Variants in HIPK3 observed in about 807,000 individuals in gnomAD.
The protein encoded by HIPK3 is homeodomain-interacting protein kinase 3.
Under a neutral mutation model 124.2 loss-of-function variants are expected in HIPK3, and 47 were observed. The ratio of observed to expected loss-of-function variants is 0.38; its 90% CI spans 0.30 to 0.48. The LOEUF is 0.48. Among genes scored for constraint, HIPK3 ranks in the 20% least tolerant of loss-of-function variants. The pLI is 0.98. For missense variants in HIPK3, 1,286 were observed against 1,454.3 expected (o/e 0.88, Z 1.88); for synonymous variants, 482 against 515.2 (o/e 0.94, Z 0.87).
chr11:33,301,619 TAAAA>T (rs76292557), intron 2 of HIPK3, among the ~76,000 whole-genome samples: 1 of 91,134 alleles, frequency 1.1e-5, no homozygotes, highest in Admixed American at 1.2e-4. Context: ...CCCATCTCTA[TAAAA>T]AAAAAAAAAA....
intron 1 of HIPK3, among the ~76,000 whole-genome samples, chr11:33,261,079 G>T (rs1005944610): frequency 2.7e-5 from 4 of 146,568 alleles, no homozygotes; most frequent in Non-Finnish European, 4.5e-5. Flanking sequence ...TGATACCGGT[G>T]TAAGTCTAAA....
At chr11:33,289,384 A>T (rs533549574) in intron 2 of HIPK3, among the ~76,000 whole-genome samples, 6 of 152,248 alleles carry the variant, frequency 3.9e-5, no homozygotes, top group African/African-American at 1.4e-4. Flanking sequence ...GTTAGAGGCT[A>T]CAGTGAGCTA....
chr11:33,318,500 G>T (rs1852571213), intron 2 of HIPK3, among the ~76,000 whole-genome samples: 1 of 152,164 alleles, frequency 6.6e-6, no homozygotes, highest in African/African-American at 2.4e-5. Flanking sequence ...CTTACCCTTT[G>T]TCTGTTTCTT....
intron 3 of HIPK3, among the ~76,000 whole-genome samples, chr11:33,330,926 C>T (rs1251364538): frequency 6.6e-6 from 1 of 151,386 alleles, no homozygotes; most frequent in Non-Finnish European, 1.5e-5. Flanking sequence ...CTCTGTCGCC[C>T]AGGCCTGAGT....
At position 33,317,805 on chromosome 11, in the gene HIPK3, A is replaced by G. The variant is rs960305783; in HGVS notation, c.1098-10705A>G. Among the ~76,000 whole-genome samples the G allele has an allele frequency of 1.4e-4, 22 of 152,138 alleles. 1 individual carries two copies. The highest frequency in any genetic ancestry group is 1.1e-3 in the Admixed American group (17 of 15,270). ...AAGTATAGGGGTTTAACTTGTAAGAATTTGTTGAGTGCATGATGAATTGGT... is the reference window on the plus strand; with the variant it reads ...AAGTATAGGGGTTTAACTTGTAAGAGTTTGTTGAGTGCATGATGAATTGGT... On this transcript the variant is annotated intron_variant, in intron 2 of 16. Coordinates refer to ENST00000303296, the MANE Select transcript of HIPK3 (RefSeq NM_005734.5).
In HIPK3 at chr11:33,311,975, TAC is replaced by T. The variant is rs71034672; in HGVS notation, c.1098-16514_1098-16513del. 2.7e-3 allele frequency among the ~76,000 whole-genome samples: 372 copies of T among 137,004 alleles called. 7 individuals carry two copies. Among genetic ancestry groups the T allele is most frequent in the African/African-American group, 8.8e-3 (326 of 36,944 alleles). The allele number at this position is 137,004 out of a possible 152,430, so 89.9% of individuals were successfully genotyped here. A position where few individuals can be genotyped will look rare whatever the true frequency, so the allele number is the denominator to read the frequency against. The stretch of plus-strand genomic sequence containing the variant: ...GGGCAACATAGCAAGACCCTGTTTC[TAC>T]ACACACACACACACACACACCACGA... On this transcript the variant is annotated intron_variant, in intron 2 of 16. Transcript: ENST00000303296.
At position 33,287,011 on chromosome 11, in the gene HIPK3, C is replaced by T. The variant is rs781119228; in HGVS notation, c.597C>T (p.Val199=). The T allele has an allele frequency of 8.7e-6, 14 of 1,614,016 alleles. No individual in the cohort carries two copies. The highest frequency in any genetic ancestry group is 1.7e-5 in the Admixed American group (1 of 59,996). ...VLCSMKNTYE[V]LDFLGRGTFG... The stretch of plus-strand genomic sequence containing the variant: ...GCTCCATGAAAAATACTTACGAAGT[C>T]CTTGATTTTCTTGGTCGAGGCACGT... The change falls in exon 2 of 17, where the codon GTC becomes GTT. Residue 199 remains valine (V), a synonymous_variant. Coordinates refer to ENST00000303296, the MANE Select transcript of HIPK3 (RefSeq NM_005734.5).
chr11:33,348,258 T>A (rs1853557603), intron 12 of HIPK3, 30 bp downstream of exon 12: 1 of 1,584,446 alleles, frequency 6.3e-7, no homozygotes, highest in South Asian at 1.1e-5. Flanking sequence ...CCTTTTGATT[T>A]ATTATCTACC....
chr11:33,354,294 T>TAGCTGAATTATTAAGA lies in HIPK3; in HGVS notation c.*726_*727insAGCTGAATTATTAAGA, dbSNP rs1337832036. 3 of 152,666 alleles carry TAGCTGAATTATTAAGA rather than the reference T, an allele frequency of 2.0e-5. No homozygotes were observed. The highest frequency in any genetic ancestry group is 4.4e-5 in the Non-Finnish European group (3 of 68,036). The allele number at this position is 152,666 out of a possible 1,614,324, so 9.5% of individuals were successfully genotyped here. On this transcript the variant is annotated 3_prime_UTR_variant, in exon 17 of 17. Transcript: ENST00000303296. ...TTTTTTCCTTATTAAGAGGGCAGCA[T>TAGCTGAATTATTAAGA]GTTTGCTATAGCTGAATTCTGCTGT...
Position 33,348,816 on chromosome 11 carries a change from A to G in HIPK3, c.2664A>G (p.Arg888=). 6.2e-7 allele frequency: 1 copy of G among 1,612,006 alleles called. No homozygotes were observed. The highest frequency in any genetic ancestry group is 8.5e-7 in the Non-Finnish European group (1 of 1,178,330). Residue 888 remains arginine (R), a splice_region_variant and synonymous_variant, in exon 13 of 17, where the codon AGA becomes AGG. Transcript: ENST00000303296. ...EEETSQRHSL[R]ECKGSLDCEA... ...AGACTTCCCAGAGACATTCACTCAG[A>G]GAGTAAGTGCCAAACGCTGCATCCT...
intron 1 of HIPK3, among the ~76,000 whole-genome samples, chr11:33,268,591 C>CAAAAAAAAAAAAAAA (rs35408664): frequency 3.9e-5 from 3 of 76,026 alleles, no homozygotes; most frequent in African/African-American, 5.2e-5. Flanking sequence ...ACTCCGTCAC[C>CAAAAAAAAAAAAAAA]AAAAAAAAAA....
chr11:33,284,010 T>C (rs1033321801), intron 1 of HIPK3, among the ~76,000 whole-genome samples: 1 of 152,174 alleles, frequency 6.6e-6, no homozygotes, highest in African/African-American at 2.4e-5. Context: ...TGGAAAGATA[T>C]TGCTATGATT....
At chr11:33,286,308 C>CTGATA (rs1851548217) in intron 1 of HIPK3, 105 bp from the exon 2 acceptor site, 2 of 1,010,370 alleles carry the variant, frequency 2.0e-6, no homozygotes, top group Non-Finnish European at 2.7e-6. Flanking sequence ...TGAATTTGAC[C>CTGATA]CTTAAGAGTT....
intron 2 of HIPK3, among the ~76,000 whole-genome samples, chr11:33,301,895 G>A (rs1411809001): frequency 6.8e-6 from 1 of 146,804 alleles, no homozygotes; most frequent in African/African-American, 2.5e-5. Context: ...TTGTCCTTGG[G>A]CTCTGTGCCA....
At chr11:33,308,539 TC>T (rs1337321895) in intron 2 of HIPK3, among the ~76,000 whole-genome samples, 1 of 151,972 alleles carries the variant, frequency 6.6e-6, no homozygotes, top group South Asian at 2.1e-4. Flanking sequence ...TATGTCCTTT[TC>T]CCCCCTCTGG....
intron 2 of HIPK3, among the ~76,000 whole-genome samples, chr11:33,316,272 A>C (rs1305604396): frequency 6.6e-6 from 1 of 152,252 alleles, no homozygotes; most frequent in Non-Finnish European, 1.5e-5. Context: ...AACCTGAAAT[A>C]AACTCACTAG....
intron 1 of HIPK3, chr11:33,258,492 G>A: frequency 1.0e-6 from 1 of 985,476 alleles, no homozygotes; most frequent in Non-Finnish European, 1.2e-6. Context: ...TGTTGGGGAG[G>A]AGAAATGTGA....
intron 2 of HIPK3, among the ~76,000 whole-genome samples, chr11:33,308,613 G>GGGGTGT (rs1554965207): frequency 6.8e-6 from 1 of 147,374 alleles, no homozygotes; most frequent in Non-Finnish European, 1.5e-5. Flanking sequence ...TGTGCCTAGG[G>GGGGTGT]GTGTGTGTGT....
intron 2 of HIPK3, 95 bp downstream of exon 2, chr11:33,287,606 T>A: frequency 7.8e-7 from 1 of 1,289,520 alleles, no homozygotes. Context: ...AAGAGACCAC[T>A]TCAGTTAAAT....
Sources: allele counts gnomAD v4.1 joint callset (sites outside exome capture counted in the v4.1 genomes callset), GRCh38; gene constraint gnomAD v4.1.1; transcripts MANE v1.5; gene names NCBI Gene and HGNC (gene_info 2026-07-23, HGNC 2026-07-21).